The following CPA1 variants were observed in gnomAD, a reference collection of about 807,000 sequenced individuals.
CPA1 encodes carboxypeptidase A1 (pancreatic).
In CPA1, 42 loss-of-function variants were observed where a neutral mutation model predicts 48.7. That is an observed-to-expected ratio of 0.86 (90% CI 0.67 to 1.11). The LOEUF (loss-of-function observed/expected upper bound fraction) is 1.11, where lower values mean the gene tolerates loss of function less well. Ranked by LOEUF, CPA1 falls within the 50% of genes most tolerant of loss-of-function variation. The pLI is 0.00. For missense variants in CPA1, 477 were observed against 544.7 expected (o/e 0.88, Z 1.24); for synonymous variants, 203 against 217.9 (o/e 0.93, Z 0.60).
At chr7:130,382,244 T>C in intron 4 of CPA1, 35 bp downstream of exon 4, 1 of 1,540,512 alleles carries the variant, frequency 6.5e-7, no homozygotes, top group Non-Finnish European at 9.0e-7. Flanking sequence ...CAGGGGAGAA[T>C]GGACCCACAC....
intron 4 of CPA1, among the ~76,000 whole-genome samples, chr7:130,382,451 A>C (rs1796418959): frequency 6.6e-6 from 1 of 152,176 alleles, no homozygotes; most frequent in South Asian, 2.1e-4. Context: ...GGTACTGTAG[A>C]GTCTGGGTAG....
At position 130,381,805 on chromosome 7, in the gene CPA1, G is replaced by A. The variant is rs1554411230; in HGVS notation, c.323G>A (p.Arg108Gln). 2.5e-6 allele frequency: 4 copies of A among 1,614,084 alleles called. No homozygotes were observed. The highest frequency in any genetic ancestry group is 3.4e-6 in the Non-Finnish European group (4 of 1,180,018). The change falls in exon 3 of 10, where the codon CGG (arginine) becomes CAG (glutamine). Residue 108 changes from arginine (R) to glutamine (Q), a missense_variant. Arg to Gln is a conservative substitution (Grantham distance 43, BLOSUM62 1). Transcript: ENST00000011292. ...DEEQEQMFAF[R>Q]SRARSTDTFN... ...GAGCAGGAGCAGATGTTCGCCTTCC[G>A]GTCCCGGGCGCGCTCCACCGACACT... is the stretch of plus-strand genomic sequence containing the variant.
chr7:130,380,676 G>A, intron 1 of CPA1, 91 bp downstream of exon 1: 1 of 740,010 alleles, frequency 1.4e-6, no homozygotes, highest in Non-Finnish European at 2.0e-6. Flanking sequence ...ACAGATACAT[G>A]GCAACACAGC....
At chr7:130,382,444 A>G (rs782067837) in intron 4 of CPA1, among the ~76,000 whole-genome samples, 41 of 152,122 alleles carry the variant, frequency 2.7e-4, no homozygotes, top group Non-Finnish European at 4.9e-4. Flanking sequence ...TGTGGAAGGT[A>G]CTGTAGAGTC....
chr7:130,385,187 G>T lies in CPA1; in HGVS notation c.829G>T (p.Gly277Cys). ...TAACCCCTGCTCGGAGACTTACCACGGCAAGTTTGCCAATTCCGAAGTGGA... is the reference window on the plus strand; with the variant it reads ...TAACCCCTGCTCGGAGACTTACCACTGCAAGTTTGCCAATTCCGAAGTGGA... ...SSNPCSETYH[G>C]KFANSEVEVK... The change falls in exon 8 of 10, where the codon GGC becomes TGC. Residue 277 changes from glycine (G) to cysteine (C), a missense_variant. Transcript: ENST00000011292. 1 of 1,614,182 alleles carries T rather than the reference G, an allele frequency of 6.2e-7. No homozygotes were observed. The highest frequency in any genetic ancestry group is 8.5e-7 in the Non-Finnish European group (1 of 1,180,042).
chr7:130,380,807 G>C (rs1284999366), intron 1 of CPA1: 1 of 557,424 alleles, frequency 1.8e-6, no homozygotes, highest in Non-Finnish European at 3.2e-6. Context: ...CTGAGGAGGA[G>C]TTTTCAGGAG....
chr7:130,381,127 A>T lies in CPA1; in HGVS notation c.95A>T (p.Asp32Val), dbSNP rs1554411107. 6.2e-7 allele frequency: 1 copy of T among 1,613,514 alleles called. No individual in the cohort carries two copies. The highest frequency in any genetic ancestry group is 1.3e-5 in the African/African-American group (1 of 74,874). ...GHQVLRISVADEAQVQKVKEL... is the reference protein window; with the variant it reads ...GHQVLRISVAVEAQVQKVKEL... ...CAGGTGCTCCGAATCTCTGTAGCCG[A>T]TGAGGCCCAGGTACAGAAGGTGAAG... is the stretch of plus-strand genomic sequence containing the variant. Residue 32 changes from aspartate to valine, a missense_variant, in exon 2 of 10, where the codon GAT (aspartate) becomes GTT (valine). Physicochemically the swap from Asp to Val is radical, Grantham distance 152. Transcript: ENST00000011292.
Position 130,380,524 on chromosome 7 carries a change from C to T in CPA1, c.4C>T (p.Arg2Trp), listed in dbSNP as rs541913287. The change falls in exon 1 of 10, where the codon CGG becomes TGG. Residue 2 changes from arginine to tryptophan, a missense_variant. By Grantham distance (101) the Arg-to-Trp change is moderately radical. Coordinates refer to ENST00000011292, the MANE Select transcript of CPA1 (RefSeq NM_001868.4). ...GACCTTCCCTCCCGGCAGCAGCATG[C>T]GGGGGTTGCTGGTGTTGAGTGTCCT... M[R>W]GLLVLSVLLG... 11 of 1,314,664 alleles carry T rather than the reference C, an allele frequency of 8.4e-6. No individual in the cohort carries two copies. Among genetic ancestry groups the T allele is most frequent in the East Asian group, 5.6e-5 (2 of 35,726 alleles). 81.4% of individuals were successfully genotyped at this position (1,314,664 alleles called of 1,614,324 possible). A position where few individuals can be genotyped will look rare whatever the true frequency, so the allele number is the denominator to read the frequency against.
intron 2 of CPA1, among the ~76,000 whole-genome samples, chr7:130,381,425 T>C (rs1278767468): frequency 6.6e-6 from 1 of 152,082 alleles, no homozygotes; most frequent in African/African-American, 2.4e-5. Context: ...CTCACTCTGC[T>C]CCTGGGCCAT....
intron 5 of CPA1, 33 bp from the exon 6 acceptor site, chr7:130,383,651 C>T (rs558657491): frequency 3.9e-6 from 6 of 1,550,222 alleles, no homozygotes; most frequent in South Asian, 3.4e-5. Context: ...CTGGCCCAGC[C>T]TGCGCTGCCC....
rs1554411209 is a variant in CPA1 at position 130,381,725 on chromosome 7, C to T, written c.243C>T (p.Ser81=). 2.5e-6 allele frequency: 4 copies of T among 1,614,036 alleles called. No individual in the cohort carries two copies. The highest frequency in any genetic ancestry group is 3.4e-6 in the Non-Finnish European group (4 of 1,180,030). The stretch of plus-strand genomic sequence containing the variant: ...AGGCGGTCAAGATCTTTCTGGAGTC[C>T]CACGGCATCAGCTATGAGACCATGA... ...SIQAVKIFLE[S]HGISYETMIE... Residue 81 remains serine, a synonymous_variant, in exon 3 of 10, where the codon TCC becomes TCT. Transcript: ENST00000011292.
At position 130,387,577 on chromosome 7, in the gene CPA1, T is replaced by A. The variant is rs1437301093; in HGVS notation, c.1073-247T>A. ...AGGGGCTTGTGCAATTGCAGAGACT[T>A]CCTTGCATCCCCTAGTGAATAGGGG... On this transcript the variant is annotated intron_variant, in intron 9 of 9. Transcript: ENST00000011292. The surrounding 1 kb of genome is among the most constrained non-coding windows in gnomAD (Gnocchi z 4.6). 6.6e-6 allele frequency among the ~76,000 whole-genome samples: 1 copy of A among 152,192 alleles called. No individual in the cohort carries two copies. The highest frequency in any genetic ancestry group is 1.5e-5 in the Non-Finnish European group (1 of 68,032).
rs782530612 is a variant in CPA1, at chr7:130,385,826, G to T, written c.988-13G>T. 1.2e-6 allele frequency: 2 copies of T among 1,612,144 alleles called. No individual in the cohort carries two copies. The highest frequency in any genetic ancestry group is 2.7e-5 in the African/African-American group (2 of 74,890). On this transcript the variant is annotated splice_polypyrimidine_tract_variant and intron_variant, in intron 8 of 9. Transcript: ENST00000011292. ...TGGCCATGACAGGTGGCTTTGCTTG[G>T]TGTTTTGTCCAGGATCAGCTTTCCA...
At position 130,387,903 on chromosome 7, in the gene CPA1, T is replaced by C. The variant is rs1160963460; in HGVS notation, c.1152T>C (p.Thr384=). 5.6e-6 allele frequency: 9 copies of C among 1,614,178 alleles called. No homozygotes were observed. The East Asian group carries it at 1.8e-4, about 32-fold the overall frequency. ...KYSFTFELRD[T]GRYGFLLPAS... is the part of the protein sequence containing the mutation. ...CCTTCACCTTCGAGCTCCGGGACACTGGGCGCTATGGCTTCCTGCTGCCAG... is the reference window on the plus strand; with the variant it reads ...CCTTCACCTTCGAGCTCCGGGACACCGGGCGCTATGGCTTCCTGCTGCCAG... The change falls in exon 10 of 10, where the codon ACT becomes ACC. Residue 384 remains threonine, a synonymous_variant. Coordinates refer to ENST00000011292, the MANE Select transcript of CPA1 (RefSeq NM_001868.4). This position sits in a 1 kb window ranked among gnomAD's most constrained non-coding sequence, Gnocchi z 4.6.
Position 130,387,766 on chromosome 7 carries a change from C to T in CPA1, c.1073-58C>T. 6.6e-7 allele frequency: 1 copy of T among 1,512,798 alleles called. No individual in the cohort carries two copies. The highest frequency in any genetic ancestry group is 9.1e-7 in the Non-Finnish European group (1 of 1,095,978). 93.7% of individuals were successfully genotyped at this position (1,512,798 alleles called of 1,614,324 possible). ...GACAGGGTTGGATCGTTAACCCAAC[C>T]CGTGTAAATATTCCCAAAGTGATTG... On this transcript the variant is annotated intron_variant, in intron 9 of 9. Transcript: ENST00000011292. The surrounding 1 kb of genome is among the most constrained non-coding windows in gnomAD (Gnocchi z 4.6).
Position 130,385,873 on chromosome 7 carries a change from C to T in CPA1, c.1022C>T (p.Ala341Val). 6.2e-7 allele frequency: 1 copy of T among 1,614,146 alleles called. No homozygotes were observed. Among genetic ancestry groups the T allele is most frequent in the South Asian group, 1.1e-5 (1 of 91,058 alleles). Residue 341 changes from alanine (A) to valine (V), a missense_variant, in exon 9 of 10, where the codon GCC becomes GTC. Physicochemically the swap from Ala to Val is moderately conservative, Grantham distance 64. Coordinates refer to ENST00000011292, the MANE Select transcript of CPA1 (RefSeq NM_001868.4). ...TCCAAGGCTGCTGTGACAGCCCTGG[C>T]CTCTCTCTACGGGACCAAGTTCAAC... The part of the protein sequence containing the change: ...QLSKAAVTAL[A>V]SLYGTKFNYG...
At chr7:130,380,893 A>G (rs1796394445) in intron 1 of CPA1, 1 of 610,144 alleles carries the variant, frequency 1.6e-6, no homozygotes, top group Non-Finnish European at 3.0e-6. Flanking sequence ...AACAGCGTCT[A>G]GAAGTTTCTA....
rs782745402 is a variant in CPA1 at position 130,383,500 on chromosome 7, C to T, written c.585+8C>T. 22 of 1,611,218 alleles carry T rather than the reference C, an allele frequency of 1.4e-5. No homozygotes were observed. Among genetic ancestry groups the T allele is most frequent in the South Asian group, 7.7e-5 (7 of 90,902 alleles). On this transcript the variant is annotated splice_region_variant and intron_variant, in intron 5 of 9. Transcript: ENST00000011292. ...GTCTGGTTTGCAAAGAAGGTAAGGC[C>T]GGGGAGGTGAGGAGGGCTCTCACCT...
chr7:130,384,798 T>C (rs1796452020), intron 7 of CPA1, 172 bp downstream of exon 7: 4 of 633,998 alleles, frequency 6.3e-6, no homozygotes, highest in African/African-American at 1.8e-5. Context: ...AGTTGGTTGT[T>C]ACTCGCCTGC....
Sources: gnomAD v4.1 joint callset for allele counts (sites outside exome capture counted in the v4.1 genomes callset) on GRCh38, gnomAD v4.1.1 for gene constraint, Gnocchi (gnomAD v3.1) non-coding constraint, MANE v1.5 for transcripts, NCBI Gene and HGNC (gene_info 2026-07-23, HGNC 2026-07-21) for gene names.